NEK10: variants seen among roughly 807,000 people sequenced by gnomAD.
NEK10 encodes serine/threonine-protein kinase Nek10.
In NEK10, 122 loss-of-function variants were observed where a neutral mutation model predicts 159.8. That is an observed-to-expected ratio of 0.76 (90% CI 0.66 to 0.89). The LOEUF is 0.89. NEK10 is among the 40% of genes least tolerant of loss of function. The probability of loss-of-function intolerance (pLI) is 0.00; values close to 1 mark genes in which losing one functional copy is unlikely to be tolerated. For synonymous variants in NEK10, 466 were observed against 457.1 expected (o/e 1.02, Z -0.25); for missense variants, 1,342 against 1,323.1 (o/e 1.01, Z -0.22).
At chr3:27,237,755 C>A (rs941639787) in intron 23 of NEK10, among the ~76,000 whole-genome samples, 2 of 152,012 alleles carry the variant, frequency 1.3e-5, no homozygotes, top group African/African-American at 4.8e-5. Flanking sequence ...TCAGAAATCA[C>A]CACTTAAGAA....
intron 3 of NEK10, among the ~76,000 whole-genome samples, chr3:27,346,759 G>A (rs1308750955): frequency 1.3e-5 from 2 of 152,216 alleles, no homozygotes; most frequent in South Asian, 2.1e-4. Flanking sequence ...CCTGGTGTTA[G>A]GGATATAACA....
intron 1 of NEK10, among the ~76,000 whole-genome samples, chr3:27,368,528 T>G (rs967149501): frequency 5.3e-5 from 8 of 152,032 alleles, no homozygotes; most frequent in Non-Finnish European, 8.8e-5. Context: ...TGATAATTGA[T>G]AGAGATGCAG....
intron 3 of NEK10, among the ~76,000 whole-genome samples, chr3:27,348,940 A>G (rs947493262): frequency 3.3e-5 from 5 of 152,162 alleles, no homozygotes; most frequent in African/African-American, 1.2e-4. Context: ...CCACCTTCAG[A>G]AAAGTTCATC....
At position 27,249,028 on chromosome 3, in the gene NEK10, A is replaced by T. The variant is rs142832956; in HGVS notation, c.2090+7268T>A. On this transcript the variant is annotated intron_variant, in intron 23 of 35. Transcript: ENST00000691995. ...TCTCATCTTGAATTGTAATCCCTAT[A>T]ATCCCCACATGTCAAGGGAGAGACC... Among the ~76,000 whole-genome samples, 959 of 152,278 alleles carry T rather than the reference A, an allele frequency of 6.3e-3. 14 individuals carry two copies. The highest frequency in any genetic ancestry group is 0.022 in the African/African-American group (913 of 41,554).
chr3:27,343,502 G>T (rs1409786825), intron 5 of NEK10, among the ~76,000 whole-genome samples: 1 of 152,084 alleles, frequency 6.6e-6, no homozygotes, highest in Non-Finnish European at 1.5e-5. Context: ...AAGATTTAAG[G>T]TTCTTTATAG....
chr3:27,354,256 C>T lies in NEK10; in HGVS notation c.-37-1337G>A, dbSNP rs79598476. On this transcript the variant is annotated intron_variant, in intron 1 of 35. Coordinates refer to ENST00000691995, the MANE Select transcript of NEK10 (RefSeq NM_001394966.1). ...GGCTTCTTCTGCTAGAAGGGGATCG[C>T]GTTTACCACTATCAAACTCGCTAAA... 8.7e-4 allele frequency among the ~76,000 whole-genome samples: 132 copies of T among 152,248 alleles called. 1 individual carries two copies. The East Asian group carries it at 0.022, about 26-fold the overall frequency.
intron 5 of NEK10, among the ~76,000 whole-genome samples, chr3:27,340,471 C>T (rs185141672): frequency 6.6e-6 from 1 of 152,052 alleles, no homozygotes; most frequent in Non-Finnish European, 1.5e-5. Flanking sequence ...ACATGTATAC[C>T]TATGTAACAA....
intron 23 of NEK10, among the ~76,000 whole-genome samples, chr3:27,242,816 T>C (rs1310257823): frequency 6.6e-6 from 1 of 152,200 alleles, no homozygotes; most frequent in Admixed American, 6.5e-5. Flanking sequence ...CCTAGAGTAC[T>C]AAAATGAAAT....
At chr3:27,161,408 T>C (rs1249430939) in intron 30 of NEK10, among the ~76,000 whole-genome samples, 3 of 152,192 alleles carry the variant, frequency 2.0e-5, no homozygotes, top group Non-Finnish European at 4.4e-5. Flanking sequence ...TGTGGAGACA[T>C]GGGCTAACAT....
chr3:27,149,490 A>G (rs1944622741), intron 30 of NEK10, among the ~76,000 whole-genome samples: 1 of 152,180 alleles, frequency 6.6e-6, no homozygotes, highest in African/African-American at 2.4e-5. Context: ...TTCTTGCAAT[A>G]TTTCAAACAT....
At chr3:27,176,312 G>A (rs1219886418) in intron 26 of NEK10, among the ~76,000 whole-genome samples, 1 of 152,140 alleles carries the variant, frequency 6.6e-6, no homozygotes, top group Non-Finnish European at 1.5e-5. Flanking sequence ...TCCATAATTA[G>A]TACATCCAAT....
Position 27,141,443 on chromosome 3 carries a change from A to G in NEK10, c.2970+39T>C, listed in dbSNP as rs759156424. 9.5e-6 allele frequency: 14 copies of G among 1,477,272 alleles called. No homozygotes were observed. The East Asian group carries it at 3.2e-4, about 34-fold the overall frequency. 91.5% of individuals were successfully genotyped at this position (1,477,272 alleles called of 1,614,324 possible). Reference sequence around the variant, plus strand: ...TCAGCAATATTAGCACCAAACTTGCATTTAAGATGAAAAGGAAATAAAAAG... The same window carrying G: ...TCAGCAATATTAGCACCAAACTTGCGTTTAAGATGAAAAGGAAATAAAAAG... On this transcript the variant is annotated intron_variant, in intron 31 of 35. Coordinates refer to ENST00000691995, the MANE Select transcript of NEK10 (RefSeq NM_001394966.1).
intron 23 of NEK10, among the ~76,000 whole-genome samples, chr3:27,208,036 T>C (rs981206591): frequency 1.1e-4 from 16 of 152,104 alleles, no homozygotes; most frequent in African/African-American, 3.9e-4. Flanking sequence ...TGTGTATGCA[T>C]GTATTGTGGA....
intron 28 of NEK10, 109 bp downstream of exon 28, chr3:27,174,330 A>C (rs1202712288): frequency 1.9e-6 from 3 of 1,563,972 alleles, no homozygotes; most frequent in African/African-American, 1.4e-5. Flanking sequence ...CACCTGAAAA[A>C]CAAACCACTG....
Position 27,256,310 on chromosome 3 carries a change from T to G in NEK10, c.2076A>C (p.Thr692=), listed in dbSNP as rs762922980. The G allele has an allele frequency of 2.0e-6, 3 of 1,533,818 alleles. No individual in the cohort carries two copies. Among genetic ancestry groups the G allele is most frequent in the Middle Eastern group, 1.7e-4 (1 of 5,830 alleles). ...ENSKLTSVVG[T]ILYSCPEVLK... Reference sequence around the variant, plus strand: ...ATTGTCCTTACCAAGAATACAGGATTGTTCCAACCACAGAGGTGAGTTTAC... The same window carrying G: ...ATTGTCCTTACCAAGAATACAGGATGGTTCCAACCACAGAGGTGAGTTTAC... The change falls in exon 23 of 36, where the codon ACA becomes ACC. Residue 692 remains threonine, a synonymous_variant. Coordinates refer to ENST00000691995, the MANE Select transcript of NEK10 (RefSeq NM_001394966.1).
In NEK10 at chr3:27,295,618, A is replaced by G; in HGVS notation, c.1303T>C (p.Leu435=). 1 of 1,562,136 alleles carries G rather than the reference A, an allele frequency of 6.4e-7. No individual in the cohort carries two copies. The highest frequency in any genetic ancestry group is 8.7e-7 in the Non-Finnish European group (1 of 1,150,694). ...ACAAGAGACATGTTTATTACCTGTA[A>G]TAGATTACTTTTTGCTGCATTCTTT... The part of the protein sequence containing the change: ...KQKNAAKSNL[L]QCYAFRALRF... Residue 435 remains leucine (L), a synonymous_variant, in exon 15 of 36, where the codon TTA becomes CTA. Coordinates refer to ENST00000691995, the MANE Select transcript of NEK10 (RefSeq NM_001394966.1).
intron 23 of NEK10, among the ~76,000 whole-genome samples, chr3:27,254,070 C>T (rs764918609): frequency 6.6e-6 from 1 of 152,124 alleles, no homozygotes; most frequent in Admixed American, 6.5e-5. Flanking sequence ...TCATCCGGTG[C>T]GCAGGGCAAC....
At chr3:27,215,721 A>G in intron 23 of NEK10, 1 of 699,034 alleles carries the variant, frequency 1.4e-6, no homozygotes, top group Non-Finnish European at 2.6e-6. Flanking sequence ...AGAGAGGTTT[A>G]ATTGGCTCAC....
chr3:27,218,533 A>G (rs56269006), intron 23 of NEK10, among the ~76,000 whole-genome samples: 13,122 of 150,490 alleles, frequency 0.087, 1,894 homozygotes, highest in African/African-American at 0.3. Context: ...TGAACCTGGG[A>G]AGCGGAGGTT....
Sources: allele counts gnomAD v4.1 joint callset (sites outside exome capture counted in the v4.1 genomes callset), GRCh38; gene constraint gnomAD v4.1.1; transcripts MANE v1.5; gene names NCBI Gene and HGNC (gene_info 2026-07-23, HGNC 2026-07-21).